Variants in DPY19L3 observed in about 807,000 individuals in gnomAD.
DPY19L3 encodes dpy-19 like C-mannosyltransferase 3, also known as protein C-mannosyl-transferase DPY19L3.
In DPY19L3, 51 loss-of-function variants were observed where a neutral mutation model predicts 92.3. That is an observed-to-expected ratio of 0.55 (90% confidence interval 0.44 to 0.70). DPY19L3 has a LOEUF of 0.70. Ranked by LOEUF, DPY19L3 falls within the 30% of genes least tolerant of loss-of-function variation. DPY19L3 has a pLI of 0.00. For missense variants in DPY19L3, 706 were observed against 855.9 expected (o/e 0.82, Z 2.18); for synonymous variants, 309 against 315.2 (o/e 0.98, Z 0.21).
chr19:32,481,940 G>C, intron 18 of DPY19L3, 139 bp from the exon 19 acceptor site: 1 of 933,176 alleles, frequency 1.1e-6, no homozygotes, highest in Non-Finnish European at 1.6e-6. Context: ...ATGATCTCCA[G>C]GTGCCCATGG....
At chr19:32,481,861 A>G in intron 18 of DPY19L3, 2 of 525,738 alleles carry the variant, frequency 3.8e-6, no homozygotes, top group Admixed American at 6.9e-5. Context: ...TAATGGGATC[A>G]TCGTGTGACG....
chr19:32,467,650 G>A, intron 15 of DPY19L3: 1 of 987,550 alleles, frequency 1.0e-6, no homozygotes, highest in East Asian at 1.1e-4. Flanking sequence ...TCTACTAGTG[G>A]TTCTTAAATA....
chr19:32,461,704 A>G (rs1970045450), intron 12 of DPY19L3, among the ~76,000 whole-genome samples: 1 of 152,252 alleles, frequency 6.6e-6, no homozygotes, highest in South Asian at 2.1e-4. Flanking sequence ...GTCTCTAGTT[A>G]CATAGAGAAG....
intron 3 of DPY19L3, among the ~76,000 whole-genome samples, chr19:32,427,789 T>C (rs1266265942): frequency 6.6e-6 from 1 of 152,146 alleles, no homozygotes; most frequent in Non-Finnish European, 1.5e-5. Flanking sequence ...ATATGTTTGC[T>C]GAGGGCATGA....
At chr19:32,463,719 TAAAC>T (rs1326066624) in intron 13 of DPY19L3, 146 bp from the exon 14 acceptor site, 3 of 872,942 alleles carry the variant, frequency 3.4e-6, no homozygotes, top group Middle Eastern at 6.3e-4. Flanking sequence ...GCAGTGGAGT[TAAAC>T]AACGAACCCT....
At chr19:32,420,125 T>C (rs1968520004) in intron 3 of DPY19L3, among the ~76,000 whole-genome samples, 1 of 152,116 alleles carries the variant, frequency 6.6e-6, no homozygotes, top group African/African-American at 2.4e-5. Flanking sequence ...CCCAAAGTGC[T>C]GGGATTACAG....
At chr19:32,411,569 A>ATTAT in intron 3 of DPY19L3, 197 bp downstream of exon 3, 1 of 477,966 alleles carries the variant, frequency 2.1e-6, no homozygotes, top group Non-Finnish European at 3.5e-6. Flanking sequence ...ATTTTTCTTT[A>ATTAT]TTATTTATTT....
Position 32,468,754 on chromosome 19 carries a change from A to T in DPY19L3, c.1638A>T (p.Glu546Asp). ...AGTTCTGGCCAGGAATGATGGATGA[A>T]CTCTCCGAGTTGAGAGAATTCTATG... The part of the protein sequence containing the change: ...CYKFWPGMMD[E>D]LSELREFYDP... The change falls in exon 16 of 19, where the codon GAA becomes GAT. Residue 546 changes from glutamate (E) to aspartate (D), a missense_variant. Glu to Asp is a conservative substitution (Grantham distance 45, BLOSUM62 2). Coordinates refer to ENST00000392250, the MANE Select transcript of DPY19L3 (RefSeq NM_001172774.2). The T allele has an allele frequency of 6.2e-7, 1 of 1,613,548 alleles. No individual in the cohort carries two copies. Among genetic ancestry groups the T allele is most frequent in the Non-Finnish European group, 8.5e-7 (1 of 1,179,808 alleles).
chr19:32,436,275 CGAATATGT>C (rs1173575855), intron 4 of DPY19L3, among the ~76,000 whole-genome samples, 163 bp from the exon 5 acceptor site: 2 of 152,126 alleles, frequency 1.3e-5, no homozygotes, highest in Non-Finnish European at 2.9e-5. Context: ...TGATGTCCAT[CGAATATGT>C]GGTAAGCTCT....
At chr19:32,433,271 A>G (rs968524508) in intron 4 of DPY19L3, among the ~76,000 whole-genome samples, 3 of 152,104 alleles carry the variant, frequency 2.0e-5, no homozygotes, top group Non-Finnish European at 4.4e-5. Context: ...CCTTTACTCC[A>G]TCTAATGAAA....
In DPY19L3 at chr19:32,429,951, A is replaced by AT. The variant is rs1334818683; in HGVS notation, c.238-2764dup. 2.6e-5 allele frequency among the ~76,000 whole-genome samples: 4 copies of AT among 152,226 alleles called. No individual in the cohort carries two copies. In the East Asian group the frequency reaches 7.7e-4, roughly 29 times the overall value. ...AGCAATAGAGCACGTTTTCTCAAAG[A>AT]TAAAAAATGAGTGGATTAAAGTAAC... is the stretch of plus-strand genomic sequence containing the variant. On this transcript the variant is annotated intron_variant, in intron 3 of 18. Coordinates refer to ENST00000392250, the MANE Select transcript of DPY19L3 (RefSeq NM_001172774.2).
intron 16 of DPY19L3, among the ~76,000 whole-genome samples, chr19:32,472,429 G>A (rs1223332296): frequency 2.6e-5 from 4 of 152,002 alleles, no homozygotes; most frequent in South Asian, 2.1e-4. Context: ...ACGCTACACC[G>A]ATGCATTGCA....
Position 32,413,498 on chromosome 19 carries a change from G to C in DPY19L3, c.237+2126G>C, listed in dbSNP as rs548630444. 2.7e-5 allele frequency among the ~76,000 whole-genome samples: 4 copies of C among 150,498 alleles called. No individual in the cohort carries two copies. The South Asian group carries it at 8.4e-4, about 32-fold the overall frequency. On this transcript the variant is annotated intron_variant, in intron 3 of 18. Transcript: ENST00000392250. ...AAGTTTTAGGGTACATGTGCACAAT[G>C]TGCAGGTTAGTTACATATGTATACA...
chr19:32,437,280 G>T lies in DPY19L3; in HGVS notation c.537G>T (p.Trp179Cys), dbSNP rs982828130. 6.2e-7 allele frequency: 1 copy of T among 1,613,984 alleles called. No homozygotes were observed. Among genetic ancestry groups the T allele is most frequent in the Non-Finnish European group, 8.5e-7 (1 of 1,180,014 alleles). The change falls in exon 6 of 19, where the codon TGG becomes TGT. Residue 179 changes from tryptophan to cysteine, a missense_variant. By Grantham distance (215) the Trp-to-Cys change is radical. Coordinates refer to ENST00000392250, the MANE Select transcript of DPY19L3 (RefSeq NM_001172774.2). ...IYVTALYITSWLLSGTWLSGL... is the reference protein window; with the variant it reads ...IYVTALYITSCLLSGTWLSGL... ...TCACAGCTCTCTACATAACCAGCTG[G>T]CTACTCAGTGGTACATGGCTGTCAG...
intron 10 of DPY19L3, 59 bp downstream of exon 10, chr19:32,455,099 T>G: frequency 2.6e-6 from 3 of 1,143,204 alleles, no homozygotes; most frequent in Non-Finnish European, 3.7e-6. Context: ...GCATTGGAGA[T>G]AATTTTTGAA....
At chr19:32,468,686 G>A (rs1568357774) in intron 15 of DPY19L3, 45 bp from the exon 16 acceptor site, 1 of 1,609,084 alleles carries the variant, frequency 6.2e-7, no homozygotes, top group Non-Finnish European at 8.5e-7. Flanking sequence ...AGTTGTGGGT[G>A]TAGGGGTGGA....
intron 16 of DPY19L3, among the ~76,000 whole-genome samples, chr19:32,476,911 T>A (rs999064573): frequency 1.3e-5 from 2 of 152,210 alleles, no homozygotes; most frequent in Non-Finnish European, 2.9e-5. Flanking sequence ...ATTCTGTTTT[T>A]ATTTATGGTG....
Position 32,485,841 on chromosome 19 carries a change from T to C in DPY19L3, c.*3601T>C, listed in dbSNP as rs1036526206. ...TGCAAAGAGCTTTTATAATTTGTTT[T>C]ACTGAATTGTATGGAGATTGTATAC... On this transcript the variant is annotated 3_prime_UTR_variant, in exon 19 of 19. Coordinates refer to ENST00000392250, the MANE Select transcript of DPY19L3 (RefSeq NM_001172774.2). 1.3e-5 allele frequency: 2 copies of C among 152,266 alleles called. No individual in the cohort carries two copies. The highest frequency in any genetic ancestry group is 2.4e-5 in the African/African-American group (1 of 41,464). 9.4% of individuals were successfully genotyped at this position (152,266 alleles called of 1,614,324 possible).
At chr19:32,419,503 C>G (rs1441773836) in intron 3 of DPY19L3, among the ~76,000 whole-genome samples, 1 of 152,048 alleles carries the variant, frequency 6.6e-6, no homozygotes, top group African/African-American at 2.4e-5. Context: ...CTCTTTCACT[C>G]AGGCTGGAGT....
Sources: allele counts gnomAD v4.1 joint callset (sites outside exome capture counted in the v4.1 genomes callset), GRCh38; gene constraint gnomAD v4.1.1; transcripts MANE v1.5; gene names NCBI Gene and HGNC (gene_info 2026-07-23, HGNC 2026-07-21).